Variants in NCKAP5L observed in about 807,000 individuals in gnomAD.
The protein encoded by NCKAP5L is NCK associated protein 5 like, also known as nck-associated protein 5-like.
Under a neutral mutation model 103.2 loss-of-function variants are expected in NCKAP5L, and 54 were observed. The ratio of observed to expected loss-of-function variants is 0.52; its 90% CI spans 0.42 to 0.66. The LOEUF (loss-of-function observed/expected upper bound fraction) is 0.66. NCKAP5L is among the 30% of genes least tolerant of loss of function. The probability of loss-of-function intolerance (pLI) is 0.00; values close to 1 mark genes in which losing one functional copy is unlikely to be tolerated. For synonymous variants in NCKAP5L, 762 were observed against 748.6 expected, an observed-to-expected ratio of 1.02 and a Z score of -0.29; for missense variants, 1,733 against 1,750.6, an observed-to-expected ratio of 0.99 and a Z score of 0.18.
Position 49,795,049 on chromosome 12 carries a change from G to T in NCKAP5L, c.2811C>A (p.Ala937=). Residue 937 remains alanine (A), a synonymous_variant, in exon 8 of 13, where the codon GCC becomes GCA. Coordinates refer to ENST00000335999, the MANE Select transcript of NCKAP5L (RefSeq NM_001037806.4). Reference sequence around the variant, plus strand: ...CGCCAGCCCCCTCCTTGTTCTTGGTGGCCTCTGTGCGGCGGTTCAGCGCTG... The same window carrying T: ...CGCCAGCCCCCTCCTTGTTCTTGGTTGCCTCTGTGCGGCGGTTCAGCGCTG... ...KLPALNRRTE[A]TKNKEGAGGG... 6.2e-7 allele frequency: 1 copy of T among 1,610,492 alleles called. No individual in the cohort carries two copies.
Position 49,828,372 on chromosome 12 carries a change from T to A in NCKAP5L, c.-149A>T, listed in dbSNP as rs1187467033. ...GGGCAGGCCGGATCCGCCAGGTCCA[T>A]GGCCGCGGCTTGGGGGCGGGGGGCA... is the stretch of plus-strand genomic sequence containing the variant. On this transcript the variant is annotated 5_prime_UTR_variant, in exon 1 of 13. The change abolishes an upstream ATG in the 5' untranslated region. Coordinates refer to ENST00000335999, the MANE Select transcript of NCKAP5L (RefSeq NM_001037806.4). The A allele has an allele frequency of 6.6e-6, 1 of 152,064 alleles. No homozygotes were observed. Among genetic ancestry groups the A allele is most frequent in the South Asian group, 2.1e-4 (1 of 4,824 alleles). The allele number at this position is 152,064 out of a possible 1,614,324, so 9.4% of individuals were successfully genotyped here.
chr12:49,796,299 T>C lies in NCKAP5L; in HGVS notation c.1561A>G (p.Thr521Ala). 1 of 1,544,824 alleles carries C rather than the reference T, an allele frequency of 6.5e-7. No individual in the cohort carries two copies. Residue 521 changes from threonine (T) to alanine (A), a missense_variant, in exon 8 of 13, where the codon ACC becomes GCC. Coordinates refer to ENST00000335999, the MANE Select transcript of NCKAP5L (RefSeq NM_001037806.4). Reference protein sequence around the residue: ...LSPEGAQGLPTSPSPCYTTPD... With the variant: ...LSPEGAQGLPASPSPCYTTPD... Reference sequence around the variant, plus strand: ...GTTGTGTAGCAGGGTGAAGGGCTGGTGGGCAGGCCTTGCGCCCCCTCTGGG... The same window carrying C: ...GTTGTGTAGCAGGGTGAAGGGCTGGCGGGCAGGCCTTGCGCCCCCTCTGGG...
chr12:49,793,637 C>T (rs1284450581), intron 9 of NCKAP5L, 97 bp downstream of exon 9: 5 of 1,420,060 alleles, frequency 3.5e-6, no homozygotes, highest in Admixed American at 5.5e-5. Flanking sequence ...GCATCCGGCA[C>T]TCATGGTCTT....
chr12:49,805,935 G>C (rs1353266990), intron 2 of NCKAP5L, 45 bp downstream of exon 2: 1 of 152,254 alleles, frequency 6.6e-6, no homozygotes, highest in African/African-American at 2.4e-5. Flanking sequence ...GAGCCCAGGG[G>C]TGCCTCTCCC....
chr12:49,822,884 A>G (rs1315905149), intron 1 of NCKAP5L, among the ~76,000 whole-genome samples: 1 of 152,172 alleles, frequency 6.6e-6, no homozygotes. Flanking sequence ...TGATGAAAAA[A>G]TAAAACTGCA....
Position 49,796,552 on chromosome 12 carries a change from A to T in NCKAP5L, c.1308T>A (p.Ile436=). ...SSSQVKSKLQ[I]GPPSPGEAQG... is the part of the protein sequence containing the mutation. ...GAGCTTCCCCAGGAGAAGGGGGGCC[A>T]ATTTGGAGCTTGCTTTTCACCTGAG... Residue 436 remains isoleucine, a synonymous_variant, in exon 8 of 13, where the codon ATT becomes ATA. Coordinates refer to ENST00000335999, the MANE Select transcript of NCKAP5L (RefSeq NM_001037806.4). 6.3e-7 allele frequency: 1 copy of T among 1,592,454 alleles called. No individual in the cohort carries two copies. Among genetic ancestry groups the T allele is most frequent in the Non-Finnish European group, 8.5e-7 (1 of 1,171,174 alleles).
chr12:49,798,883 T>C (rs922005574), intron 6 of NCKAP5L, among the ~76,000 whole-genome samples: 1 of 152,206 alleles, frequency 6.6e-6, no homozygotes, highest in Non-Finnish European at 1.5e-5. Flanking sequence ...TAAATGGTCT[T>C]AGATGGTCTT....
chr12:49,797,383 C>T lies in NCKAP5L; in HGVS notation c.477G>A (p.Glu159=), dbSNP rs1407782459. 1 of 1,604,774 alleles carries T rather than the reference C, an allele frequency of 6.2e-7. No homozygotes were observed. Among genetic ancestry groups the T allele is most frequent in the Admixed American group, 1.7e-5 (1 of 59,160 alleles). The part of the protein sequence containing the change: ...HCAGQREVCW[E]QQLRPGGPGP... Reference sequence around the variant, plus strand: ...CTGGGCCTCCTGGCCTCAGCTGCTGCTCCCAACATACCTTAGGGGAGAGAT... The same window carrying T: ...CTGGGCCTCCTGGCCTCAGCTGCTGTTCCCAACATACCTTAGGGGAGAGAT... Residue 159 remains glutamate, a synonymous_variant, in exon 8 of 13, where the codon GAG becomes GAA. Coordinates refer to ENST00000335999, the MANE Select transcript of NCKAP5L (RefSeq NM_001037806.4). The surrounding 1 kb of genome is among the most constrained non-coding windows in gnomAD (Gnocchi z 4.5).
In NCKAP5L at chr12:49,793,411, C is replaced by T. The variant is rs368159758; in HGVS notation, c.3281G>A (p.Arg1094Gln). The T allele has an allele frequency of 3.9e-5, 62 of 1,609,378 alleles. No individual in the cohort carries two copies. In the African/African-American group the frequency reaches 4.1e-4, roughly 11 times the overall value. Residue 1094 changes from arginine (R) to glutamine (Q), a missense_variant, in exon 10 of 13, where the codon CGG becomes CAG. Coordinates refer to ENST00000335999, the MANE Select transcript of NCKAP5L (RefSeq NM_001037806.4). ...GCTGTCCTCCGAGGGCATCTCTTCC[C>T]GCCTCCCTGGCTCGCTGCTCGGCTG... ...PGKPSSEPGR[R>Q]EEMPSEDSLA... is the part of the protein sequence containing the mutation.
At chr12:49,821,587 C>T (rs1336044664) in intron 1 of NCKAP5L, among the ~76,000 whole-genome samples, 1 of 152,236 alleles carries the variant, frequency 6.6e-6, no homozygotes, top group Non-Finnish European at 1.5e-5. Flanking sequence ...TGCCTCGGCA[C>T]GGGCCACCCC....
In NCKAP5L at chr12:49,795,937, T is replaced by C. The variant is rs1466597577; in HGVS notation, c.1923A>G (p.Ser641=). 11 of 1,528,718 alleles carry C rather than the reference T, an allele frequency of 7.2e-6. No individual in the cohort carries two copies. The highest frequency in any genetic ancestry group is 9.6e-6 in the Non-Finnish European group (11 of 1,145,070). The allele number at this position is 1,528,718 out of a possible 1,614,324, so 94.7% of individuals were successfully genotyped here. ...PHPGRRTPGN[S]SKKPSQGSGR... ...CTGACCCCTGGCTGGGCTTCTTGGA[T>C]GAGTTGCCTGGGGTCCTGCGGCCGG... is the stretch of plus-strand genomic sequence containing the variant. The change falls in exon 8 of 13, where the codon TCA becomes TCG. Residue 641 remains serine (S), a synonymous_variant. Coordinates refer to ENST00000335999, the MANE Select transcript of NCKAP5L (RefSeq NM_001037806.4).
Position 49,796,796 on chromosome 12 carries a change from G to T in NCKAP5L, c.1064C>A (p.Pro355Gln), listed in dbSNP as rs1420595828. Residue 355 changes from proline to glutamine, a missense_variant, in exon 8 of 13, where the codon CCA becomes CAA. Transcript: ENST00000335999. Reference sequence around the variant, plus strand: ...TGGGGAGGATGACTGCCCAGGACCTGGGTGGTCCCCATTGAGTGGGCCTGC... The same window carrying T: ...TGGGGAGGATGACTGCCCAGGACCTTGGTGGTCCCCATTGAGTGGGCCTGC... ...GAAGPLNGDHPGPGQSSSPDQ... is the reference protein window; with the variant it reads ...GAAGPLNGDHQGPGQSSSPDQ... 1 of 1,613,566 alleles carries T rather than the reference G, an allele frequency of 6.2e-7. No homozygotes were observed. The highest frequency in any genetic ancestry group is 8.5e-7 in the Non-Finnish European group (1 of 1,179,846).
In NCKAP5L at chr12:49,796,145, G is replaced by A. The variant is rs2136999983; in HGVS notation, c.1715C>T (p.Pro572Leu). The change falls in exon 8 of 13, where the codon CCA becomes CTA. Residue 572 changes from proline (P) to leucine (L), a missense_variant. Physicochemically the swap from Pro to Leu is moderately conservative, Grantham distance 98. Transcript: ENST00000335999. ...LSRSTFRGPS[P>L]EPPPSPLQVP... ...CTGCAGTGGGGATGGAGGTGGCTCT[G>A]GGGAAGGCCCCCTAAAGGTGCTCCG... The A allele has an allele frequency of 6.2e-7, 1 of 1,611,472 alleles. No individual in the cohort carries two copies. The highest frequency in any genetic ancestry group is 2.2e-5 in the East Asian group (1 of 44,868).
Position 49,791,192 on chromosome 12 carries a change from G to A in NCKAP5L, c.*647C>T, listed in dbSNP as rs1945928733. 6.6e-6 allele frequency: 1 copy of A among 152,664 alleles called. No homozygotes were observed. Among genetic ancestry groups the A allele is most frequent in the South Asian group, 2.1e-4 (1 of 4,844 alleles). The allele number at this position is 152,664 out of a possible 1,614,324, so 9.5% of individuals were successfully genotyped here. On this transcript the variant is annotated 3_prime_UTR_variant, in exon 13 of 13. Coordinates refer to ENST00000335999, the MANE Select transcript of NCKAP5L (RefSeq NM_001037806.4). ...TTATTAGGGATACGGCAGAAGCAGA[G>A]GCAGGAAGCAGAGCAGCCGCATTTT...
At chr12:49,793,697 C>A in intron 9 of NCKAP5L, 37 bp downstream of exon 9, 1 of 1,513,606 alleles carries the variant, frequency 6.6e-7, no homozygotes, top group Non-Finnish European at 8.8e-7. Context: ...GGCCAGAGAG[C>A]CAGGCCGTCC....
At chr12:49,818,065 G>A (rs918704530) in intron 1 of NCKAP5L, among the ~76,000 whole-genome samples, 4 of 151,930 alleles carry the variant, frequency 2.6e-5, no homozygotes, top group Non-Finnish European at 5.9e-5. Context: ...GGAGGTAGTG[G>A]AGGTTGTAGT....
Position 49,796,635 on chromosome 12 carries a change from A to C in NCKAP5L, c.1225T>G (p.Phe409Val), listed in dbSNP as rs1489693349. The C allele has an allele frequency of 6.3e-7, 1 of 1,590,920 alleles. No individual in the cohort carries two copies. Among genetic ancestry groups the C allele is most frequent in the Admixed American group, 1.8e-5 (1 of 55,850 alleles). The change falls in exon 8 of 13, where the codon TTC (phenylalanine) becomes GTC (valine). Residue 409 changes from phenylalanine (F) to valine (V), a missense_variant. Transcript: ENST00000335999. ...GQGPLPFLSMFMGAGDAPLGS... is the reference protein window; with the variant it reads ...GQGPLPFLSMVMGAGDAPLGS... ...AGTGGGGCATCCCCAGCACCCATGA[A>C]CATGCTAAGGAAGGGGAGGGGCCCC...
intron 1 of NCKAP5L, among the ~76,000 whole-genome samples, chr12:49,807,808 C>T (rs76181132): frequency 0.032 from 4,847 of 152,242 alleles, 115 homozygotes; most frequent in African/African-American, 0.06. Flanking sequence ...CGGTCCCCAG[C>T]GTGTCCCTCA....
chr12:49,827,814 C>T (rs1043724105), intron 1 of NCKAP5L, among the ~76,000 whole-genome samples: 1 of 152,200 alleles, frequency 6.6e-6, no homozygotes, highest in African/African-American at 2.4e-5. Flanking sequence ...CAGGCCCTAC[C>T]GCCCCAGGCC....
Sources: gnomAD v4.1 joint callset for allele counts (sites outside exome capture counted in the v4.1 genomes callset) on GRCh38, gnomAD v4.1.1 for gene constraint, Gnocchi (gnomAD v3.1) non-coding constraint, MANE v1.5 for transcripts, NCBI Gene and HGNC (gene_info 2026-07-23, HGNC 2026-07-21) for gene names.